EXT1: variants seen among roughly 807,000 people sequenced by gnomAD.
EXT1 encodes exostosin glycosyltransferase 1.
A neutral mutation model predicts 82.5 loss-of-function variants in EXT1; 20 were observed. That is an observed-to-expected ratio of 0.24 (90% CI 0.17 to 0.35). The LOEUF is 0.35. Ranked by LOEUF, EXT1 falls within the 10% of genes least tolerant of loss-of-function variation. EXT1 has a pLI of 1.00. For missense variants in EXT1, 757 were observed against 936.5 expected, an observed-to-expected ratio of 0.81 and a Z score of 2.50; for synonymous variants, 348 against 350.8, an observed-to-expected ratio of 0.99 and a Z score of 0.09.
chr8:117,915,580 C>T (rs1364262146), intron 1 of EXT1, among the ~76,000 whole-genome samples: 1 of 152,180 alleles, frequency 6.6e-6, no homozygotes, highest in African/African-American at 2.4e-5. Flanking sequence ...TGAGGTCAGG[C>T]ACGGTGGCTT....
intron 1 of EXT1, among the ~76,000 whole-genome samples, chr8:118,012,859 A>G (rs1259445603): frequency 2.6e-5 from 4 of 152,158 alleles, no homozygotes; most frequent in Non-Finnish European, 1.5e-5. Context: ...TCTGACTGTA[A>G]TCATACCCAA....
Position 117,897,591 on chromosome 8 carries a change from CTTTT to C in EXT1, c.963-60394_963-60391del, listed in dbSNP as rs34963536. On this transcript the variant is annotated intron_variant, in intron 1 of 10. Transcript: ENST00000378204. The stretch of plus-strand genomic sequence containing the variant: ...TAGCCCATTGCCGGGCTTCTTTTCT[CTTTT>C]TTTTTTTTTTTTTTTTTGAGACAGA... Among the ~76,000 whole-genome samples the C allele has an allele frequency of 4.7e-3, 426 of 90,692 alleles. 3 individuals carry two copies. Among genetic ancestry groups the C allele is most frequent in the African/African-American group, 0.017 (387 of 22,894 alleles). 59.5% of individuals were successfully genotyped at this position (90,692 alleles called of 152,430 possible).
chr8:118,071,356 T>C (rs1817089396), intron 1 of EXT1, among the ~76,000 whole-genome samples: 1 of 152,208 alleles, frequency 6.6e-6, no homozygotes, highest in Non-Finnish European at 1.5e-5. Context: ...TTGTTTGCGC[T>C]GACACAGTGA....
chr8:117,832,011 T>G (rs1344612979), intron 3 of EXT1, among the ~76,000 whole-genome samples: 1 of 152,108 alleles, frequency 6.6e-6, no homozygotes, highest in Non-Finnish European at 1.5e-5. Flanking sequence ...TTTGAGAAGG[T>G]AGACAAATCA....
chr8:117,933,445 C>T (rs1222235579), intron 1 of EXT1, among the ~76,000 whole-genome samples: 1 of 152,068 alleles, frequency 6.6e-6, no homozygotes, highest in African/African-American at 2.4e-5. Flanking sequence ...GGGGTTTCAC[C>T]ATGTTAGGCA....
chr8:118,020,013 C>T (rs367780113), intron 1 of EXT1, among the ~76,000 whole-genome samples: 4 of 152,310 alleles, frequency 2.6e-5, no homozygotes, highest in East Asian at 1.9e-4. Flanking sequence ...TGGGGTTGCT[C>T]AAAGTCTCTG....
In EXT1 at chr8:117,858,762, A is replaced by AGGCAGGC. The variant is rs1563581999; in HGVS notation, c.963-21562_963-21561insGCCTGCC. ...GAAGGAAGGAAGGAAGGAAGGAAGG[A>AGGCAGGC]AGGAAGGCAGGCAGGCAGGCAGGCA... On this transcript the variant is annotated intron_variant, in intron 1 of 10. Coordinates refer to ENST00000378204, the MANE Select transcript of EXT1 (RefSeq NM_000127.3). Among the ~76,000 whole-genome samples the AGGCAGGC allele has an allele frequency of 1.5e-3, 76 of 50,212 alleles. 1 individual carries two copies. Among genetic ancestry groups the AGGCAGGC allele is most frequent in the South Asian group, 3.8e-3 (5 of 1,306 alleles). 32.9% of individuals were successfully genotyped at this position (50,212 alleles called of 152,430 possible). A position where few individuals can be genotyped will look rare whatever the true frequency, so the allele number is the denominator to read the frequency against.
At chr8:118,029,668 A>T (rs1816271986) in intron 1 of EXT1, among the ~76,000 whole-genome samples, 1 of 152,212 alleles carries the variant, frequency 6.6e-6, no homozygotes. Context: ...GTAAACACTT[A>T]ACAAATCTTA....
chr8:118,043,865 A>G (rs1220530421), intron 1 of EXT1, among the ~76,000 whole-genome samples: 3 of 152,248 alleles, frequency 2.0e-5, no homozygotes, highest in African/African-American at 7.2e-5. Context: ...ACTCACTTCC[A>G]GAAAGGGAAT....
chr8:117,855,659 C>T (rs1452807563), intron 1 of EXT1, among the ~76,000 whole-genome samples: 2 of 152,140 alleles, frequency 1.3e-5, no homozygotes, highest in African/African-American at 4.8e-5. Flanking sequence ...GGAAGAGTCA[C>T]ACGTCTCTCA....
At position 118,029,074 on chromosome 8, in the gene EXT1, A is replaced by G. The variant is rs554168878; in HGVS notation, c.962+81011T>C. Among the ~76,000 whole-genome samples, 26 of 152,310 alleles carry G rather than the reference A, an allele frequency of 1.7e-4. No homozygotes were observed. The South Asian group carries it at 5.2e-3, about 30-fold the overall frequency. ...AGGCAATATACAAAGGACTACATGT[A>G]CCTAGATTAGGAGTTTAAAATAAGA... On this transcript the variant is annotated intron_variant, in intron 1 of 10. Coordinates refer to ENST00000378204, the MANE Select transcript of EXT1 (RefSeq NM_000127.3).
rs549311087 is a variant in EXT1, at chr8:117,957,496, G to A, written c.963-120295C>T. 8.3e-4 allele frequency among the ~76,000 whole-genome samples: 126 copies of A among 152,280 alleles called. 1 individual carries two copies. Among genetic ancestry groups the A allele is most frequent in the African/African-American group, 2.9e-3 (122 of 41,552 alleles). On this transcript the variant is annotated intron_variant, in intron 1 of 10. Transcript: ENST00000378204. ...AGGTCTTACGGAGGGAGCCCCAACG[G>A]GAGACAGACACTGAAACAGGAAGCC... is the stretch of plus-strand genomic sequence containing the variant.
intron 1 of EXT1, among the ~76,000 whole-genome samples, chr8:117,913,558 T>C (rs995716461): frequency 1.3e-5 from 2 of 152,168 alleles, no homozygotes; most frequent in African/African-American, 4.8e-5. Context: ...TTCCAGAGAA[T>C]GCCAAGGAGA....
intron 1 of EXT1, among the ~76,000 whole-genome samples, chr8:117,910,061 C>A (rs577053928): frequency 3.3e-5 from 5 of 152,296 alleles, no homozygotes; most frequent in African/African-American, 1.2e-4. Context: ...AGCCACCGCA[C>A]CAGCATTAAT....
intron 1 of EXT1, among the ~76,000 whole-genome samples, chr8:117,851,160 G>A (rs956223890): frequency 1.3e-5 from 2 of 152,098 alleles, no homozygotes; most frequent in African/African-American, 4.8e-5. Context: ...AATGTTAACA[G>A]CTGGAAGGCA....
chr8:117,867,260 G>GGAAAAAA lies in EXT1; in HGVS notation c.963-30060_963-30059insTTTTTTC, dbSNP rs774425294. ...GGCGACAGAGTGAGACTCCACCTCA[G>GGAAAAAA]AAAAAAAAAAAAAGCTTGAGGAAAT... On this transcript the variant is annotated intron_variant, in intron 1 of 10. Coordinates refer to ENST00000378204, the MANE Select transcript of EXT1 (RefSeq NM_000127.3). Among the ~76,000 whole-genome samples, 20 of 98,906 alleles carry GGAAAAAA rather than the reference G, an allele frequency of 2.0e-4. 3 individuals are homozygous for GGAAAAAA. The highest frequency in any genetic ancestry group is 8.6e-4 in the Admixed American group (8 of 9,296). 64.9% of individuals were successfully genotyped at this position (98,906 alleles called of 152,430 possible).
At chr8:117,854,667 G>T (rs1409288485) in intron 1 of EXT1, among the ~76,000 whole-genome samples, 1 of 152,210 alleles carries the variant, frequency 6.6e-6, no homozygotes, top group Non-Finnish European at 1.5e-5. Flanking sequence ...ACTGTTGAGA[G>T]CACACTCATT....
At chr8:117,877,778 A>G (rs1812996136) in intron 1 of EXT1, among the ~76,000 whole-genome samples, 1 of 152,196 alleles carries the variant, frequency 6.6e-6, no homozygotes, top group Non-Finnish European at 1.5e-5. Flanking sequence ...ACACAATTCA[A>G]AAGTCAAGCA....
chr8:117,910,673 G>T (rs1476907920), intron 1 of EXT1, among the ~76,000 whole-genome samples: 2 of 152,190 alleles, frequency 1.3e-5, no homozygotes, highest in East Asian at 3.8e-4. Flanking sequence ...TGCTTCATAT[G>T]TTATACAATT....
Sources: gnomAD v4.1 joint callset for allele counts (sites outside exome capture counted in the v4.1 genomes callset) on GRCh38, gnomAD v4.1.1 for gene constraint, MANE v1.5 for transcripts, NCBI Gene and HGNC (gene_info 2026-07-23, HGNC 2026-07-21) for gene names.